The following NPL variants were observed in gnomAD, a reference collection of about 807,000 sequenced individuals.
NPL encodes N-acetylneuraminate lyase.
Under a neutral mutation model 41.1 loss-of-function variants are expected in NPL, and 32 were observed. The observed-to-expected ratio is 0.78, with a 90% CI of 0.59 to 1.05. NPL has a LOEUF of 1.05. NPL is among the 50% of genes least tolerant of loss of function. NPL has a pLI of 0.00. For synonymous variants in NPL, 128 were observed against 134.9 expected (o/e 0.95, Z 0.35); for missense variants, 321 against 378.4 (o/e 0.85, Z 1.26).
chr1:182,795,014 C>T (rs113778385), intron 3 of NPL, among the ~76,000 whole-genome samples: 1 of 152,158 alleles, frequency 6.6e-6, no homozygotes, highest in East Asian at 1.9e-4. Context: ...TAACAACAGT[C>T]CGTTGTTGAC....
In NPL at chr1:182,829,562, T is replaced by A. The variant is rs2102575430; in HGVS notation, c.*654T>A. On this transcript the variant is annotated 3_prime_UTR_variant, in exon 13 of 13. Coordinates refer to ENST00000367553, the MANE Select transcript of NPL (RefSeq NM_030769.3). The stretch of plus-strand genomic sequence containing the variant: ...TTTCTCATAACAAAGGAAAAAGTCT[T>A]CCCCAAAGATGAATTTAAGTCTCCA... 1 of 1,532,112 alleles carries A rather than the reference T, an allele frequency of 6.5e-7. No individual in the cohort carries two copies. Among genetic ancestry groups the A allele is most frequent in the African/African-American group, 1.4e-5 (1 of 72,660 alleles). 94.9% of individuals were successfully genotyped at this position (1,532,112 alleles called of 1,614,324 possible).
intron 9 of NPL, 30 bp from the exon 10 acceptor site, chr1:182,818,783 T>G: frequency 6.2e-7 from 1 of 1,613,948 alleles, no homozygotes; most frequent in Admixed American, 1.7e-5. Flanking sequence ...CTCTTTTTTA[T>G]ACAAGTGAAT....
chr1:182,820,912 T>C (rs1436548775), intron 10 of NPL, among the ~76,000 whole-genome samples: 3 of 152,354 alleles, frequency 2.0e-5, no homozygotes, highest in South Asian at 2.1e-4. Context: ...GGAAATTCTT[T>C]CTTTTTTGGC....
Position 182,828,574 on chromosome 1 carries a change from T to C in NPL, c.779-150T>C. 1.0e-6 allele frequency: 1 copy of C among 965,668 alleles called. No individual in the cohort carries two copies. Among genetic ancestry groups the C allele is most frequent in the Non-Finnish European group, 1.6e-6 (1 of 634,272 alleles). 59.8% of individuals were successfully genotyped at this position (965,668 alleles called of 1,614,324 possible). A position where few individuals can be genotyped will look rare whatever the true frequency, so the allele number is the denominator to read the frequency against. On this transcript the variant is annotated intron_variant, in intron 12 of 12. Transcript: ENST00000367553. This position sits in a 1 kb window ranked among gnomAD's most constrained non-coding sequence, Gnocchi z 4.0. ...AAGAGGGATTTCGAATGATTGCTCATCTGTCATATTGACTAGAAATGTTCC... is the reference window on the plus strand; with the variant it reads ...AAGAGGGATTTCGAATGATTGCTCACCTGTCATATTGACTAGAAATGTTCC...
chr1:182,799,605 TAAATA>T (rs1296373466), intron 3 of NPL, among the ~76,000 whole-genome samples: 1 of 151,632 alleles, frequency 6.6e-6, no homozygotes, highest in Non-Finnish European at 1.5e-5. Flanking sequence ...AAAAAAAAGT[TAAATA>T]AAATTAGTGG....
Position 182,818,516 on chromosome 1 carries a change from A to G in NPL, c.458-25A>G, listed in dbSNP as rs1414982308. ...TTATTTCCTAGAGATGTGCAGATTA[A>G]TGAGGCACTTATTATTTTGAGCAGT... On this transcript the variant is annotated intron_variant, in intron 8 of 12. Coordinates refer to ENST00000367553, the MANE Select transcript of NPL (RefSeq NM_030769.3). The G allele has an allele frequency of 1.9e-6, 3 of 1,612,856 alleles. No individual in the cohort carries two copies. In the African/African-American group the frequency reaches 4.0e-5, roughly 22 times the overall value.
chr1:182,790,123 T>G (rs1446789501), intron 1 of NPL, among the ~76,000 whole-genome samples: 1 of 152,204 alleles, frequency 6.6e-6, no homozygotes, highest in East Asian at 1.9e-4. Flanking sequence ...AAGTTAAACC[T>G]GATACATCCC....
chr1:182,816,501 C>T (rs1214297694), intron 7 of NPL, among the ~76,000 whole-genome samples: 1 of 152,098 alleles, frequency 6.6e-6, no homozygotes, highest in Non-Finnish European at 1.5e-5. Context: ...GAATAATCGT[C>T]TTACTTTGGG....
At chr1:182,797,367 G>A (rs746488640) in intron 3 of NPL, among the ~76,000 whole-genome samples, 2 of 152,072 alleles carry the variant, frequency 1.3e-5, no homozygotes, top group Non-Finnish European at 2.9e-5. Context: ...GCACAAGCTC[G>A]GGCTGTATCA....
chr1:182,806,480 T>TA, intron 5 of NPL: 1 of 1,536,262 alleles, frequency 6.5e-7, no homozygotes, highest in Non-Finnish European at 8.7e-7. Flanking sequence ...AACTGCTTCT[T>TA]ACCTGTCTAC....
In NPL at chr1:182,818,860, G is replaced by A. The variant is rs758810559; in HGVS notation, c.653+1G>A. 1.9e-6 allele frequency: 3 copies of A among 1,613,860 alleles called. No homozygotes were observed. In the African/African-American group the frequency reaches 4.0e-5, roughly 22 times the overall value. On this transcript the variant is annotated splice_donor_variant, in intron 10 of 12. Coordinates refer to ENST00000367553, the MANE Select transcript of NPL (RefSeq NM_030769.3). LOFTEE classifies it high-confidence loss of function. ...TGGGAGCAACTGGAGCAGTGGGCAGGTAAGCATGACTCATTTTTCCCAGTG... is the reference window on the plus strand; with the variant it reads ...TGGGAGCAACTGGAGCAGTGGGCAGATAAGCATGACTCATTTTTCCCAGTG...
At chr1:182,804,066 G>C (rs557719068) in intron 4 of NPL, among the ~76,000 whole-genome samples, 21 of 152,304 alleles carry the variant, frequency 1.4e-4, no homozygotes, top group South Asian at 1.0e-3. Context: ...AGGCCATTCA[G>C]CCAAGAAGTG....
Position 182,814,873 on chromosome 1 carries a change from CT to C in NPL, c.364+16del, listed in dbSNP as rs779524340. On this transcript the variant is annotated intron_variant, in intron 7 of 12. Transcript: ENST00000367553. ...ATGGACCAAAGGTAAGTAGATAGGT[CT>C]GAATGCATGGCATCTCACATGGTCC... 7.1e-5 allele frequency: 113 copies of C among 1,602,292 alleles called. 1 individual carries two copies. Among genetic ancestry groups the C allele is most frequent in the Middle Eastern group, 1.7e-4 (1 of 6,060 alleles).
Position 182,829,170 on chromosome 1 carries a change from CAA to C in NPL, c.*263_*264del, listed in dbSNP as rs1227101937. 3 of 1,322,684 alleles carry C rather than the reference CAA, an allele frequency of 2.3e-6. No individual in the cohort carries two copies. In the East Asian group the frequency reaches 9.7e-5, roughly 43 times the overall value. The allele number at this position is 1,322,684 out of a possible 1,614,324, so 81.9% of individuals were successfully genotyped here. On this transcript the variant is annotated 3_prime_UTR_variant, in exon 13 of 13. Transcript: ENST00000367553. ...TCTGTTTATATGGATGAAATGGAAT[CAA>C]GAGGAAAATTGTAATTGATTAATTC...
intron 2 of NPL, among the ~76,000 whole-genome samples, chr1:182,793,796 G>A (rs1457290299): frequency 3.3e-5 from 5 of 152,332 alleles, no homozygotes; most frequent in African/African-American, 1.2e-4. Flanking sequence ...TTCAGTTTAA[G>A]TAATAGTACA....
rs184216156 is a variant in NPL, at chr1:182,809,484, G to A, written c.231-2672G>A. 9.2e-4 allele frequency among the ~76,000 whole-genome samples: 140 copies of A among 151,398 alleles called. 1 individual carries two copies. Among genetic ancestry groups the A allele is most frequent in the Middle Eastern group, 3.4e-3 (1 of 294 alleles). ...GTACCCTGGAGGTGGAGGTTGCAGT[G>A]AGCTGAGATTGCACCACTGCACTCT... is the stretch of plus-strand genomic sequence containing the variant. On this transcript the variant is annotated intron_variant, in intron 5 of 12. Coordinates refer to ENST00000367553, the MANE Select transcript of NPL (RefSeq NM_030769.3).
In NPL at chr1:182,829,794, TTGTTTAGTGA is replaced by T; in HGVS notation, c.*888_*897del. On this transcript the variant is annotated 3_prime_UTR_variant, in exon 13 of 13. Coordinates refer to ENST00000367553, the MANE Select transcript of NPL (RefSeq NM_030769.3). ...CTGTCACACTTGCAACTAGTGACTT[TTGTTTAGTGA>T]TAGAAGATTTGGGGAGGACCCAAAG... The T allele has an allele frequency of 1.5e-6, 1 of 687,002 alleles. No homozygotes were observed. Among genetic ancestry groups the T allele is most frequent in the African/African-American group, 1.8e-5 (1 of 55,158 alleles). 42.6% of individuals were successfully genotyped at this position (687,002 alleles called of 1,614,324 possible). A position where few individuals can be genotyped will look rare whatever the true frequency, so the allele number is the denominator to read the frequency against.
At chr1:182,798,491 G>T (rs1025466361) in intron 3 of NPL, among the ~76,000 whole-genome samples, 1 of 152,104 alleles carries the variant, frequency 6.6e-6, no homozygotes, top group Admixed American at 6.5e-5. Flanking sequence ...GCCTCCCAAG[G>T]TGCTGGGATT....
At chr1:182,811,149 T>C (rs991193273) in intron 5 of NPL, among the ~76,000 whole-genome samples, 1 of 152,222 alleles carries the variant, frequency 6.6e-6, no homozygotes, top group African/African-American at 2.4e-5. Context: ...AAAAATCATA[T>C]GTAATATCTG....
Sources: allele counts gnomAD v4.1 joint callset (sites outside exome capture counted in the v4.1 genomes callset), GRCh38; gene constraint gnomAD v4.1.1; non-coding constraint Gnocchi (gnomAD v3.1); transcripts MANE v1.5; gene names NCBI Gene and HGNC (gene_info 2026-07-23, HGNC 2026-07-21).